OPTN: variants seen among roughly 807,000 people sequenced by gnomAD.
The protein encoded by OPTN is E3-14.7K-interacting protein.
OPTN carries 54 observed loss-of-function variants against 70.4 expected under a neutral mutation model. The observed-to-expected ratio is 0.77, with a 90% CI of 0.62 to 0.96. OPTN has a LOEUF of 0.96. Ranked by LOEUF, OPTN falls within the 40% of genes least tolerant of loss-of-function variation. The pLI is 0.00. For missense variants in OPTN, 624 were observed against 673.2 expected (o/e 0.93, Z 0.81); for synonymous variants, 256 against 248.5 (o/e 1.03, Z -0.28).
At chr10:13,110,605 C>T in intron 4 of OPTN, 129 bp downstream of exon 4, 1 of 949,932 alleles carries the variant, frequency 1.1e-6, no homozygotes, top group Non-Finnish European at 1.6e-6. Flanking sequence ...TTTGCCTGGT[C>T]TTGGAAGAAG....
intron 14 of OPTN, among the ~76,000 whole-genome samples, 184 bp from the exon 15 acceptor site, chr10:13,136,560 TG>T (rs1833705514): frequency 1.3e-5 from 2 of 150,966 alleles, no homozygotes; most frequent in African/African-American, 4.9e-5. Context: ...AGGTATCACT[TG>T]GAGAGATTTT....
At chr10:13,105,644 C>G (rs1156243299) in intron 1 of OPTN, among the ~76,000 whole-genome samples, 1 of 152,148 alleles carries the variant, frequency 6.6e-6, no homozygotes, top group African/African-American at 2.4e-5. Flanking sequence ...CACCGTGGCT[C>G]AAGCCTGTAA....
intron 4 of OPTN, among the ~76,000 whole-genome samples, chr10:13,111,868 G>C (rs1268150207): frequency 2.8e-5 from 2 of 72,346 alleles, no homozygotes; most frequent in Non-Finnish European, 5.2e-5. Flanking sequence ...TTTTTTTTGA[G>C]ATGGAGTCTT....
chr10:13,136,514 A>AAAAAG (rs1369470072), intron 14 of OPTN, among the ~76,000 whole-genome samples: 1 of 150,998 alleles, frequency 6.6e-6, no homozygotes, highest in African/African-American at 2.5e-5. Context: ...TCAAAAAAAA[A>AAAAAG]AAAAAAAAAA....
chr10:13,114,096 A>G (rs998402808), intron 5 of OPTN, among the ~76,000 whole-genome samples: 2 of 152,008 alleles, frequency 1.3e-5, no homozygotes, highest in Non-Finnish European at 2.9e-5. Context: ...AAAGAAAAAA[A>G]ATTGTGTCCT....
intron 13 of OPTN, among the ~76,000 whole-genome samples, chr10:13,132,527 G>A (rs1365846420): frequency 1.3e-5 from 2 of 151,784 alleles, no homozygotes; most frequent in African/African-American, 4.8e-5. Flanking sequence ...GTTTTGTTTT[G>A]TTTTTTGAGG....
At chr10:13,127,962 T>C in intron 12 of OPTN, 59 bp downstream of exon 12, 9 of 1,528,692 alleles carry the variant, frequency 5.9e-6, no homozygotes, top group Non-Finnish European at 9.1e-7. Context: ...ATTCTCGCAT[T>C]GGAAAGCAAT....
intron 14 of OPTN, among the ~76,000 whole-genome samples, chr10:13,135,257 A>G (rs541157426): frequency 1.3e-5 from 2 of 152,274 alleles, no homozygotes; most frequent in African/African-American, 2.4e-5. Context: ...AATTTCTTGC[A>G]TCCATCACAG....
At chr10:13,105,982 T>C (rs537142601) in intron 1 of OPTN, among the ~76,000 whole-genome samples, 11 of 152,152 alleles carry the variant, frequency 7.2e-5, no homozygotes, top group African/African-American at 2.2e-4. Flanking sequence ...TTTTCTTCCC[T>C]CTCTTCTCCC....
At chr10:13,115,954 G>A (rs974176480) in intron 5 of OPTN, among the ~76,000 whole-genome samples, 1 of 152,074 alleles carries the variant, frequency 6.6e-6, no homozygotes, top group Non-Finnish European at 1.5e-5. Context: ...GAGAAAGAGG[G>A]AACTGCCAAG....
intron 1 of OPTN, among the ~76,000 whole-genome samples, chr10:13,105,299 G>A (rs917450783): frequency 2.0e-5 from 3 of 152,202 alleles, no homozygotes; most frequent in Non-Finnish European, 4.4e-5. Flanking sequence ...GATACTTGGT[G>A]TATATGCATT....
chr10:13,100,087 G>T (rs3814657), upstream of OPTN: 26,494 of 152,056 alleles, frequency 0.17, 2,559 homozygotes, highest in Non-Finnish European at 0.22. Context: ...TCCCCGGCGC[G>T]GGCAGGGAGC....
At position 13,123,990 on chromosome 10, in the gene OPTN, G is replaced by A; in HGVS notation, c.883-5G>A. On this transcript the variant is annotated splice_region_variant and splice_polypyrimidine_tract_variant and intron_variant, in intron 8 of 14. Coordinates refer to ENST00000378747, the MANE Select transcript of OPTN (RefSeq NM_001008212.2). ...CAGATATGTTTGGGATTTCCCGTATGATAGGTTGGAAGCGAAGTGGAAGCA... is the reference window on the plus strand; with the variant it reads ...CAGATATGTTTGGGATTTCCCGTATAATAGGTTGGAAGCGAAGTGGAAGCA... 6 of 1,603,650 alleles carry A rather than the reference G, an allele frequency of 3.7e-6. No homozygotes were observed. Among genetic ancestry groups the A allele is most frequent in the Non-Finnish European group, 4.3e-6 (5 of 1,170,638 alleles).
At chr10:13,100,702 C>G (rs949974437) in intron 1 of OPTN, among the ~76,000 whole-genome samples, 2 of 152,202 alleles carry the variant, frequency 1.3e-5, no homozygotes, top group East Asian at 3.9e-4. Context: ...CATGGGACCA[C>G]TACCCGAGCT....
At chr10:13,129,438 C>T (rs759544200) in intron 12 of OPTN, among the ~76,000 whole-genome samples, 2 of 151,958 alleles carry the variant, frequency 1.3e-5, no homozygotes, top group African/African-American at 2.4e-5. Context: ...CTGCAACCTC[C>T]ACCTCCCGGG....
intron 5 of OPTN, among the ~76,000 whole-genome samples, chr10:13,115,520 T>TTA (rs1396217523): frequency 0.015 from 1,528 of 103,888 alleles, 109 homozygotes; most frequent in African/African-American, 0.063. Flanking sequence ...ATATAATATA[T>TTA]TCTATAATAT....
chr10:13,133,345 G>A (rs533321050), intron 13 of OPTN, among the ~76,000 whole-genome samples, 157 bp from the exon 14 acceptor site: 3 of 152,158 alleles, frequency 2.0e-5, no homozygotes, highest in African/African-American at 7.2e-5. Context: ...GTCTCCTAGT[G>A]CCAATAGTAT....
chr10:13,121,608 A>G (rs1409389658), intron 7 of OPTN, among the ~76,000 whole-genome samples: 1 of 150,250 alleles, frequency 6.7e-6, no homozygotes, highest in Non-Finnish European at 1.5e-5. Flanking sequence ...CACCTTTGTC[A>G]TCACTTCAGA....
chr10:13,131,990 C>T lies in OPTN; in HGVS notation c.1402-77C>T, dbSNP rs1002933570. On this transcript the variant is annotated intron_variant, in intron 12 of 14. Transcript: ENST00000378747. ...AGGGCTATTGAAGGATACAGCACTA[C>T]CTCCTCATCGCATAAACACTGTAAG... The T allele has an allele frequency of 7.0e-5, 101 of 1,447,538 alleles. No homozygotes were observed. The South Asian group carries it at 1.1e-3, about 16-fold the overall frequency. The allele number at this position is 1,447,538 out of a possible 1,614,324, so 89.7% of individuals were successfully genotyped here.
Sources: allele counts gnomAD v4.1 joint callset (sites outside exome capture counted in the v4.1 genomes callset), GRCh38; gene constraint gnomAD v4.1.1; transcripts MANE v1.5; gene names NCBI Gene and HGNC (gene_info 2026-07-23, HGNC 2026-07-21).